Variants in LIMS2 observed in about 807,000 individuals in gnomAD.
LIMS2 encodes LIM zinc finger domain containing 2.
Under a neutral mutation model 45.3 loss-of-function variants are expected in LIMS2, and 30 were observed. The ratio of observed to expected loss-of-function variants is 0.66; its 90% confidence interval spans 0.50 to 0.90. The LOEUF is 0.90. Ranked by LOEUF, LIMS2 falls within the 40% of genes least tolerant of loss-of-function variation. LIMS2 has a pLI of 0.00. For missense variants in LIMS2, 485 were observed against 468.7 expected (o/e 1.03, Z -0.32); for synonymous variants, 173 against 188.0 (o/e 0.92, Z 0.65).
At chr2:127,660,894 G>A (rs1684597721) in intron 1 of LIMS2, among the ~76,000 whole-genome samples, 2 of 131,218 alleles carry the variant, frequency 1.5e-5, no homozygotes, top group Non-Finnish European at 3.2e-5. Context: ...GCCTGTGGCC[G>A]ACAGTATCGC....
At chr2:127,674,629 G>C in intron 1 of LIMS2, 1 of 985,386 alleles carries the variant, frequency 1.0e-6, no homozygotes, top group Non-Finnish European at 1.2e-6. Flanking sequence ...ACCGGGATCG[G>C]GGATCGCACA....
intron 4 of LIMS2, among the ~76,000 whole-genome samples, chr2:127,648,980 A>AGGGGAGGGGAGG (rs1558877455): frequency 1.2e-3 from 21 of 17,118 alleles, no homozygotes; most frequent in East Asian, 1.9e-3. Flanking sequence ...GAGGGGAGGG[A>AGGGGAGGGGAGG]GGGGAGGGGA....
chr2:127,643,028 A>C lies in LIMS2; in HGVS notation c.404T>G (p.Leu135Arg), dbSNP rs1183186741. ...GCACCGCTGGCAGATGTACTTGCCCAGGCCCTTGGCCTTCTCACGGTTGTG... is the reference window on the plus strand; with the variant it reads ...GCACCGCTGGCAGATGTACTTGCCCCGGCCCTTGGCCTTCTCACGGTTGTG... ...PCHNREKAKG[L>R]GKYICQRCHL... The change falls in exon 5 of 10, where the codon CTG (leucine) becomes CGG (arginine). Residue 135 changes from leucine (L) to arginine (R), a missense_variant. Transcript: ENST00000355119. 3.1e-6 allele frequency: 5 copies of C among 1,588,338 alleles called. No individual in the cohort carries two copies. Among genetic ancestry groups the C allele is most frequent in the Non-Finnish European group, 4.3e-6 (5 of 1,167,836 alleles).
intron 1 of LIMS2, among the ~76,000 whole-genome samples, chr2:127,660,065 C>A (rs552165202): frequency 6.6e-6 from 1 of 152,346 alleles, no homozygotes; most frequent in Admixed American, 6.5e-5. Context: ...GGGAAGCTGG[C>A]TGGGCTTCTG....
At chr2:127,679,594 C>G (rs1192688005), upstream of LIMS2, among the ~76,000 whole-genome samples, 1 of 151,696 alleles carries the variant, frequency 6.6e-6, no homozygotes, top group Non-Finnish European at 1.5e-5. This position sits in a 1 kb window ranked among gnomAD's most constrained non-coding sequence, Gnocchi z 5.3. Flanking sequence ...TGGGCAGGTA[C>G]CCGAGTTTCT....
intron 1 of LIMS2, among the ~76,000 whole-genome samples, chr2:127,658,873 C>A (rs1364912656): frequency 1.3e-5 from 2 of 152,136 alleles, no homozygotes; most frequent in Non-Finnish European, 2.9e-5. Flanking sequence ...TTTGGGAATA[C>A]CTCTCCGCCT....
chr2:127,673,916 T>G, intron 1 of LIMS2: 1 of 618,920 alleles, frequency 1.6e-6, no homozygotes, highest in Non-Finnish European at 2.9e-6. Flanking sequence ...GGGCCAAGGC[T>G]TAGAGGTGAC....
chr2:127,678,957 TGTA>T, upstream of LIMS2, among the ~76,000 whole-genome samples: 1 of 152,282 alleles, frequency 6.6e-6, no homozygotes, highest in South Asian at 2.1e-4. The surrounding 1 kb of genome is among the most constrained non-coding windows in gnomAD (Gnocchi z 5.3). Context: ...CTGGGGTGTC[TGTA>T]CCAGTCAGGA....
At chr2:127,655,255 G>C (rs1684177943) in intron 2 of LIMS2, 1 of 357,550 alleles carries the variant, frequency 2.8e-6, no homozygotes, top group African/African-American at 2.1e-5. Context: ...GTGTCACTTG[G>C]TCCTATTTCG....
At chr2:127,649,885 G>A (rs529443239) in intron 4 of LIMS2, 2 of 759,352 alleles carry the variant, frequency 2.6e-6, no homozygotes, top group Admixed American at 2.5e-5. Flanking sequence ...GGGTAAAATG[G>A]GTCTTCCCCT....
chr2:127,639,068 G>A lies in LIMS2; in HGVS notation c.*213C>T. 1 of 581,704 alleles carries A rather than the reference G, an allele frequency of 1.7e-6. No homozygotes were observed. The highest frequency in any genetic ancestry group is 3.0e-6 in the Non-Finnish European group (1 of 331,690). The allele number at this position is 581,704 out of a possible 1,614,324, so 36.0% of individuals were successfully genotyped here. Reference sequence around the variant, plus strand: ...TGGGGTCATAGGCTCCCACTCCCCAGCTCCTGCCTCCTCACAGACAGAAGC... The same window carrying A: ...TGGGGTCATAGGCTCCCACTCCCCAACTCCTGCCTCCTCACAGACAGAAGC... On this transcript the variant is annotated 3_prime_UTR_variant, in exon 10 of 10. Coordinates refer to ENST00000355119, the MANE Select transcript of LIMS2 (RefSeq NM_001161403.3).
chr2:127,639,455 G>A, intron 9 of LIMS2, 27 bp from the exon 10 acceptor site: 3 of 1,611,976 alleles, frequency 1.9e-6, no homozygotes, highest in South Asian at 1.1e-5. Context: ...GCTGTCAGCA[G>A]AGCCCCACGC....
intron 6 of LIMS2, 91 bp downstream of exon 6, chr2:127,641,958 T>G (rs1025540068): frequency 1.9e-5 from 27 of 1,427,850 alleles, no homozygotes; most frequent in Non-Finnish European, 2.6e-5. Flanking sequence ...CGCCCTGGGC[T>G]GGGAGTGTGG....
Position 127,670,784 on chromosome 2 carries a change from C to T in LIMS2, c.11+4230G>A, listed in dbSNP as rs544428928. 4.6e-5 allele frequency among the ~76,000 whole-genome samples: 7 copies of T among 152,354 alleles called. No homozygotes were observed. The South Asian group carries it at 1.2e-3, about 27-fold the overall frequency. On this transcript the variant is annotated intron_variant, in intron 1 of 9. Coordinates refer to ENST00000355119, the MANE Select transcript of LIMS2 (RefSeq NM_001161403.3). ...TCAGCCCAGTGGGCAGAGGCAGAGACGGACAGAGGCAGAGATGCCACAAAC... is the reference window on the plus strand; with the variant it reads ...TCAGCCCAGTGGGCAGAGGCAGAGATGGACAGAGGCAGAGATGCCACAAAC...
chr2:127,659,452 GCCA>G lies in LIMS2; in HGVS notation c.12-1893_12-1891del, dbSNP rs1350298369. ...GGTCTCCACGGGGCGAGCCAGGCAG[GCCA>G]CCAAGGTGGAGCCTGGCCGCCCCAA... On this transcript the variant is annotated intron_variant, in intron 1 of 9. Transcript: ENST00000355119. 2.0e-5 allele frequency among the ~76,000 whole-genome samples: 3 copies of G among 152,178 alleles called. No individual in the cohort carries two copies. The East Asian group carries it at 5.8e-4, about 30-fold the overall frequency.
chr2:127,652,051 G>A (rs1460273689), intron 4 of LIMS2: 4 of 408,738 alleles, frequency 9.8e-6, no homozygotes, highest in Non-Finnish European at 1.4e-5. Flanking sequence ...AACAATGGAG[G>A]CCTTTCTTTC....
rs1265178021 is a variant in LIMS2, at chr2:127,642,330, C to T, written c.510-131G>A. 4 of 1,082,018 alleles carry T rather than the reference C, an allele frequency of 3.7e-6. No individual in the cohort carries two copies. The highest frequency in any genetic ancestry group is 5.1e-6 in the Non-Finnish European group (4 of 787,048). The allele number at this position is 1,082,018 out of a possible 1,614,324, so 67.0% of individuals were successfully genotyped here. On this transcript the variant is annotated intron_variant, in intron 5 of 9. Coordinates refer to ENST00000355119, the MANE Select transcript of LIMS2 (RefSeq NM_001161403.3). This position sits in a 1 kb window ranked among gnomAD's most constrained non-coding sequence, Gnocchi z 5.3. Reference sequence around the variant, plus strand: ...CCCTGCAGAGCCGAGGCGGCAGCGCCTTCTGATCTCTGGGCACTTTGAAGA... The same window carrying T: ...CCCTGCAGAGCCGAGGCGGCAGCGCTTTCTGATCTCTGGGCACTTTGAAGA...
rs78529786 is a variant in LIMS2 at position 127,652,867 on chromosome 2, C to T, written c.359+1557G>A. Among the ~76,000 whole-genome samples, 107 of 152,340 alleles carry T rather than the reference C, an allele frequency of 7.0e-4. 1 individual carries two copies. The highest frequency in any genetic ancestry group is 2.5e-3 in the African/African-American group (102 of 41,576). On this transcript the variant is annotated intron_variant, in intron 4 of 9. Coordinates refer to ENST00000355119, the MANE Select transcript of LIMS2 (RefSeq NM_001161403.3). ...TAGCTGCCACCCTGCACCGTCCTTA[C>T]GGCAACATGCTTTTGTAGCATGTTT...
In LIMS2 at chr2:127,653,206, G is replaced by A. The variant is rs970960778; in HGVS notation, c.359+1218C>T. On this transcript the variant is annotated intron_variant, in intron 4 of 9. Coordinates refer to ENST00000355119, the MANE Select transcript of LIMS2 (RefSeq NM_001161403.3). This position sits in a 1 kb window ranked among gnomAD's most constrained non-coding sequence, Gnocchi z 5.3. ...ACACGGACAAGAGCTCGGTAGTGTCGGGGAAGCATCTCGGAGGAGCTGCGG... is the reference window on the plus strand; with the variant it reads ...ACACGGACAAGAGCTCGGTAGTGTCAGGGAAGCATCTCGGAGGAGCTGCGG... Among the ~76,000 whole-genome samples the A allele has an allele frequency of 4.6e-5, 7 of 152,198 alleles. No individual in the cohort carries two copies. Among genetic ancestry groups the A allele is most frequent in the Non-Finnish European group, 8.8e-5 (6 of 68,030 alleles).
Sources: gnomAD v4.1 joint callset for allele counts (sites outside exome capture counted in the v4.1 genomes callset) on GRCh38, gnomAD v4.1.1 for gene constraint, Gnocchi (gnomAD v3.1) non-coding constraint, MANE v1.5 for transcripts, NCBI Gene and HGNC (gene_info 2026-07-23, HGNC 2026-07-21) for gene names.